The following PDE11A variants were observed in gnomAD, a reference collection of about 807,000 sequenced individuals.
The protein encoded by PDE11A is dual 3',5'-cyclic-AMP and -GMP phosphodiesterase 11A.
In PDE11A, 100 loss-of-function variants were observed where a neutral mutation model predicts 100.5. The ratio of observed to expected loss-of-function variants is 1.00; its 90% CI spans 0.85 to 1.18. The LOEUF (loss-of-function observed/expected upper bound fraction) is 1.18, where lower values mean the gene tolerates loss of function less well. PDE11A is among the 50% of genes most tolerant of loss of function. The probability of loss-of-function intolerance (pLI) is 0.00; values close to 1 mark genes in which losing one functional copy is unlikely to be tolerated. For synonymous variants in PDE11A, 381 were observed against 420.8 expected (o/e 0.91, Z 1.16); for missense variants, 1,141 against 1,152.6 (o/e 0.99, Z 0.15).
chr2:177,890,802 G>T (rs2084517967), intron 4 of PDE11A, among the ~76,000 whole-genome samples: 1 of 152,108 alleles, frequency 6.6e-6, no homozygotes. Flanking sequence ...TGACTCAAAA[G>T]GAGAAAATTC....
chr2:177,688,683 A>G (rs1392329541), intron 15 of PDE11A, among the ~76,000 whole-genome samples: 1 of 152,222 alleles, frequency 6.6e-6, no homozygotes, highest in Non-Finnish European at 1.5e-5. Context: ...TTATAATCAG[A>G]TATGTTTTTA....
chr2:177,630,527 A>G (rs1002488161), intron 19 of PDE11A, among the ~76,000 whole-genome samples: 2 of 152,214 alleles, frequency 1.3e-5, no homozygotes, highest in Non-Finnish European at 2.9e-5. Context: ...CTGGGACTAG[A>G]ACAAATTCAA....
At chr2:177,861,633 A>C (rs980722947) in intron 5 of PDE11A, among the ~76,000 whole-genome samples, 3 of 151,930 alleles carry the variant, frequency 2.0e-5, no homozygotes. Context: ...TCAAGATGAA[A>C]AACAAAAAGT....
At chr2:178,024,115 C>G (rs1341175382) in intron 1 of PDE11A, among the ~76,000 whole-genome samples, 1 of 152,066 alleles carries the variant, frequency 6.6e-6, no homozygotes, top group African/African-American at 2.4e-5. Flanking sequence ...ATTAGAGGGT[C>G]ACTTAATAAA....
chr2:177,772,032 A>AAATAAATAAATAAAT lies in PDE11A; in HGVS notation c.1738-2660_1738-2659insATTTATTTATTTATT, dbSNP rs1558930688. 2.1e-4 allele frequency among the ~76,000 whole-genome samples: 30 copies of AAATAAATAAATAAAT among 141,296 alleles called. 1 individual carries two copies. Among genetic ancestry groups the AAATAAATAAATAAAT allele is most frequent in the African/African-American group, 6.9e-4 (24 of 34,590 alleles). 92.7% of individuals were successfully genotyped at this position (141,296 alleles called of 152,430 possible). A position where few individuals can be genotyped will look rare whatever the true frequency, so the allele number is the denominator to read the frequency against. ...ATAAATAAATAAATAAATAAATAAA[A>AAATAAATAAATAAAT]ATAATGCTACTTTCTGATCATAACT... On this transcript the variant is annotated intron_variant, in intron 9 of 19. Transcript: ENST00000286063.
chr2:178,058,868 T>G, intron 1 of PDE11A, among the ~76,000 whole-genome samples: 1 of 152,106 alleles, frequency 6.6e-6, no homozygotes, highest in East Asian at 1.9e-4. Flanking sequence ...GAAAAAAGAA[T>G]GAACTTCCAT....
At chr2:177,674,212 G>C (rs2080731656) in intron 17 of PDE11A, among the ~76,000 whole-genome samples, 1 of 152,118 alleles carries the variant, frequency 6.6e-6, no homozygotes, top group Non-Finnish European at 1.5e-5. Flanking sequence ...TCCTTTCTAA[G>C]CCTCATTTTT....
chr2:177,675,992 C>T, intron 16 of PDE11A: 2 of 278,934 alleles, frequency 7.2e-6, no homozygotes, highest in Non-Finnish European at 1.4e-5. Context: ...ATAAGGGGCT[C>T]CTTCATTTTC....
At chr2:177,756,225 AG>A (rs755639886) in intron 10 of PDE11A, among the ~76,000 whole-genome samples, 25 of 152,184 alleles carry the variant, frequency 1.6e-4, no homozygotes, top group Non-Finnish European at 3.5e-4. Context: ...CTGGTCTTTC[AG>A]GGGTTATCAA....
At chr2:177,756,724 A>G (rs2082095632) in intron 10 of PDE11A, among the ~76,000 whole-genome samples, 1 of 152,350 alleles carries the variant, frequency 6.6e-6, no homozygotes, top group Middle Eastern at 3.4e-3. Flanking sequence ...TTTGGAGAAA[A>G]TAAGTGCTGT....
intron 2 of PDE11A, among the ~76,000 whole-genome samples, chr2:177,959,256 A>G (rs1296493108): frequency 1.3e-5 from 2 of 152,176 alleles, no homozygotes; most frequent in Non-Finnish European, 2.9e-5. Context: ...ATTGAACATG[A>G]TGGAAAGAAG....
chr2:178,014,651 T>C (rs2105827541), intron 1 of PDE11A, among the ~76,000 whole-genome samples, 191 bp from the exon 2 acceptor site: 1 of 152,304 alleles, frequency 6.6e-6, no homozygotes, highest in Non-Finnish European at 1.5e-5. Flanking sequence ...AATGCCATAG[T>C]TGTTTGCCAT....
chr2:177,990,563 C>G (rs900784542), intron 2 of PDE11A, among the ~76,000 whole-genome samples: 1 of 151,864 alleles, frequency 6.6e-6, no homozygotes, highest in Non-Finnish European at 1.5e-5. Context: ...CATGGTGAAA[C>G]CCCATCTCTA....
chr2:177,723,209 T>C (rs2081554403), intron 12 of PDE11A: 1 of 152,138 alleles, frequency 6.6e-6, no homozygotes, highest in Non-Finnish European at 1.5e-5. Flanking sequence ...AGCTGGTAAA[T>C]AGGATGGATT....
chr2:177,653,405 C>T (rs540219654), intron 19 of PDE11A, among the ~76,000 whole-genome samples: 1 of 152,268 alleles, frequency 6.6e-6, no homozygotes, highest in African/African-American at 2.4e-5. Context: ...CCTTTCTTTC[C>T]CTCTTGTTTC....
intron 9 of PDE11A, among the ~76,000 whole-genome samples, chr2:177,779,474 C>T (rs2082422547): frequency 1.3e-5 from 2 of 152,354 alleles, no homozygotes; most frequent in South Asian, 4.1e-4. Flanking sequence ...AGTCAGTCCT[C>T]TCAATTCCTG....
At chr2:177,851,306 T>A (rs920249412) in intron 5 of PDE11A, among the ~76,000 whole-genome samples, 1 of 151,958 alleles carries the variant, frequency 6.6e-6, no homozygotes, top group Admixed American at 6.6e-5. Flanking sequence ...AAACACCGCA[T>A]GTTCTCGCTC....
intron 4 of PDE11A, among the ~76,000 whole-genome samples, chr2:177,883,259 C>T (rs987092141): frequency 7.0e-6 from 1 of 142,340 alleles, no homozygotes; most frequent in Admixed American, 7.1e-5. Context: ...CACAGCAAGA[C>T]TCTGTCTCAA....
At chr2:177,678,763 T>C (rs553207813) in intron 16 of PDE11A, among the ~76,000 whole-genome samples, 1 of 152,046 alleles carries the variant, frequency 6.6e-6, no homozygotes, top group Non-Finnish European at 1.5e-5. Flanking sequence ...CCATATGGGG[T>C]TCCTTGTCAA....
Sources: gnomAD v4.1 joint callset for allele counts (sites outside exome capture counted in the v4.1 genomes callset) on GRCh38, gnomAD v4.1.1 for gene constraint, MANE v1.5 for transcripts, NCBI Gene and HGNC (gene_info 2026-07-23, HGNC 2026-07-21) for gene names.